Variants in MYO5A observed in about 807,000 individuals in gnomAD.
MYO5A encodes unconventional myosin-Va.
MYO5A carries 98 observed loss-of-function variants against 249.7 expected under a neutral mutation model. That is an observed-to-expected ratio of 0.39 (90% CI 0.33 to 0.46). The LOEUF (loss-of-function observed/expected upper bound fraction) is 0.46, where lower values mean the gene tolerates loss of function less well. MYO5A is among the 20% of genes least tolerant of loss of function. The probability of loss-of-function intolerance (pLI) is 0.98; values close to 1 mark genes in which losing one functional copy is unlikely to be tolerated. For synonymous variants in MYO5A, 778 were observed against 810.6 expected (o/e 0.96, Z 0.68); for missense variants, 1,696 against 2,308.8 (o/e 0.73, Z 5.44).
At chr15:52,463,536 C>T (rs985021752) in intron 1 of MYO5A, among the ~76,000 whole-genome samples, 1 of 152,032 alleles carries the variant, frequency 6.6e-6, no homozygotes, top group African/African-American at 2.4e-5. Flanking sequence ...GTTATTTAAA[C>T]TTCTCTTACA....
chr15:52,339,474 A>T (rs909314497), intron 32 of MYO5A, among the ~76,000 whole-genome samples: 8 of 152,002 alleles, frequency 5.3e-5, no homozygotes, highest in African/African-American at 1.9e-4. Context: ...ATCAGTAATA[A>T]AAGTTATTAT....
At position 52,370,429 on chromosome 15, in the gene MYO5A, C is replaced by T. The variant is rs368269008; in HGVS notation, c.2818-12G>A. 7 of 1,603,442 alleles carry T rather than the reference C, an allele frequency of 4.4e-6. No individual in the cohort carries two copies. The African/African-American group carries it at 8.0e-5, about 18-fold the overall frequency. On this transcript the variant is annotated splice_polypyrimidine_tract_variant and intron_variant, in intron 21 of 41. Coordinates refer to ENST00000399233, the MANE Select transcript of MYO5A (RefSeq NM_001382347.1). ...TTGTAGTCTTTGTTCTTTAAACATA[C>T]ACATAAGTAACAATAAGTAAATACA...
At chr15:52,502,424 C>T (rs909548342) in intron 1 of MYO5A, among the ~76,000 whole-genome samples, 7 of 152,078 alleles carry the variant, frequency 4.6e-5, no homozygotes, top group Admixed American at 2.0e-4. Context: ...AAATAAAGCT[C>T]GTAATTATTC....
chr15:52,450,878 C>T (rs2076008168), intron 1 of MYO5A, among the ~76,000 whole-genome samples: 1 of 80,964 alleles, frequency 1.2e-5, no homozygotes, highest in African/African-American at 5.4e-5. Flanking sequence ...GACAGGGTCT[C>T]ACTCTGTTGC....
At chr15:52,324,474 T>C (rs940522994) in intron 36 of MYO5A, among the ~76,000 whole-genome samples, 2 of 152,218 alleles carry the variant, frequency 1.3e-5, no homozygotes, top group Non-Finnish European at 2.9e-5. Context: ...AAAATATCAA[T>C]GTTTGCCTGC....
chr15:52,460,681 C>A (rs2076231355), intron 1 of MYO5A, among the ~76,000 whole-genome samples: 1 of 138,756 alleles, frequency 7.2e-6, no homozygotes, highest in South Asian at 2.3e-4. Context: ...GAGGGCGAGG[C>A]TCCAGAAATT....
Position 52,419,038 on chromosome 15 carries a change from C to T in MYO5A, c.456-2737G>A, listed in dbSNP as rs925472779. On this transcript the variant is annotated intron_variant, in intron 4 of 41. Coordinates refer to ENST00000399233, the MANE Select transcript of MYO5A (RefSeq NM_001382347.1). The stretch of plus-strand genomic sequence containing the variant: ...AACATACTTTCAATTACATCTACGT[C>T]ATCAACAAGGAAATTAAGCAATGCT... 4.6e-5 allele frequency among the ~76,000 whole-genome samples: 7 copies of T among 152,312 alleles called. No homozygotes were observed. In the South Asian group the frequency reaches 1.5e-3, roughly 32 times the overall value.
At chr15:52,405,678 T>C (rs1021358548) in intron 8 of MYO5A, among the ~76,000 whole-genome samples, 20 of 152,218 alleles carry the variant, frequency 1.3e-4, no homozygotes, top group African/African-American at 4.8e-4. Context: ...CAGTATTCTA[T>C]GCTTCCATTT....
At chr15:52,371,883 A>AATG (rs1013063632) in intron 21 of MYO5A, among the ~76,000 whole-genome samples, 27 of 39,862 alleles carry the variant, frequency 6.8e-4, no homozygotes, top group Admixed American at 5.0e-3. Context: ...TAATAGTAAT[A>AATG]ATAATAATAA....
intron 1 of MYO5A, among the ~76,000 whole-genome samples, chr15:52,470,833 G>A (rs1237634324): frequency 6.6e-6 from 1 of 151,914 alleles, no homozygotes; most frequent in Non-Finnish European, 1.5e-5. Context: ...GACCAGGCTG[G>A]CCAACATGGT....
intron 20 of MYO5A, among the ~76,000 whole-genome samples, chr15:52,372,981 A>G (rs1158810383): frequency 1.3e-5 from 2 of 152,054 alleles, no homozygotes; most frequent in African/African-American, 4.8e-5. Flanking sequence ...AGAAACTAAA[A>G]GATGACACTC....
At chr15:52,314,055 A>T in intron 41 of MYO5A, 68 bp downstream of exon 41, 1 of 1,403,270 alleles carries the variant, frequency 7.1e-7, no homozygotes, top group Non-Finnish European at 1.0e-6. Flanking sequence ...ATTATCCTTC[A>T]ATAAATTACA....
At chr15:52,451,072 A>C (rs1317558507) in intron 1 of MYO5A, among the ~76,000 whole-genome samples, 1 of 151,972 alleles carries the variant, frequency 6.6e-6, no homozygotes, top group African/African-American at 2.4e-5. Context: ...ATTACTTCCT[A>C]AAATCTCTAT....
At chr15:52,409,352 T>C (rs1210570908) in intron 6 of MYO5A, among the ~76,000 whole-genome samples, 2 of 152,112 alleles carry the variant, frequency 1.3e-5, no homozygotes, top group Non-Finnish European at 2.9e-5. Flanking sequence ...GTAGACACTT[T>C]TCAAAAAAAA....
At chr15:52,457,262 C>T (rs1235840925) in intron 1 of MYO5A, among the ~76,000 whole-genome samples, 1 of 151,758 alleles carries the variant, frequency 6.6e-6, no homozygotes, top group African/African-American at 2.4e-5. Context: ...GGCAACATGG[C>T]GAAACCCTAT....
Position 52,400,961 on chromosome 15 carries a change from C to T in MYO5A, c.1054-3495G>A, listed in dbSNP as rs143982976. On this transcript the variant is annotated intron_variant, in intron 9 of 41. Transcript: ENST00000399233. ...TTGCTAACTTCTTAGTTCATTTCTT[C>T]TTGCATCTTAGATCTTCTAACTGGG... Among the ~76,000 whole-genome samples, 757 of 152,128 alleles carry T rather than the reference C, an allele frequency of 5.0e-3. 6 individuals carry two copies. The highest frequency in any genetic ancestry group is 0.017 in the Middle Eastern group (5 of 294).
In MYO5A at chr15:52,397,207, A is replaced by T; in HGVS notation, c.1313T>A (p.Ile438Asn). ...KQHSFIGVLD[I>N]YGFETFEINS... The stretch of plus-strand genomic sequence containing the variant: ...ATTAGCCAAATATACTCACCCGTAA[A>T]TGTCTAGCACACCAATAAAAGAGTG... Residue 438 changes from isoleucine (I) to asparagine (N), a missense_variant, in exon 10 of 42, where the codon ATT (isoleucine) becomes AAT (asparagine). Physicochemically the swap from Ile to Asn is moderately radical, Grantham distance 149. Around this residue, in one of 5 missense-constraint regions of MYO5A, gnomAD observed 277 missense variants for 422.4 expected, o/e 0.66. Transcript: ENST00000399233. 6.2e-7 allele frequency: 1 copy of T among 1,614,070 alleles called. No homozygotes were observed. Among genetic ancestry groups the T allele is most frequent in the Non-Finnish European group, 8.5e-7 (1 of 1,179,972 alleles).
intron 1 of MYO5A, among the ~76,000 whole-genome samples, chr15:52,455,432 A>T (rs1356631152): frequency 1.3e-5 from 2 of 152,140 alleles, no homozygotes; most frequent in Non-Finnish European, 2.9e-5. Context: ...AAAATTGAAA[A>T]GTGGGGAATA....
At chr15:52,318,239 T>A (rs1475178450) in intron 39 of MYO5A, among the ~76,000 whole-genome samples, 2 of 151,810 alleles carry the variant, frequency 1.3e-5, no homozygotes, top group African/African-American at 4.8e-5. Context: ...GTGGATCACC[T>A]GAGGTCAGGA....
Sources: gnomAD v4.1 joint callset for allele counts (sites outside exome capture counted in the v4.1 genomes callset) on GRCh38, gnomAD v4.1.1 for gene constraint, gnomAD v4.1.1 regional missense constraint, MANE v1.5 for transcripts, NCBI Gene and HGNC (gene_info 2026-07-23, HGNC 2026-07-21) for gene names.